The following NXPE4 variants were observed in gnomAD, a reference collection of about 807,000 sequenced individuals.
NXPE4 encodes the protein neurexophilin and PC-esterase domain family member 4.
In NXPE4, 42 loss-of-function variants were observed where a neutral mutation model predicts 33.3. The observed-to-expected ratio is 1.26, with a 90% CI of 0.98 to 1.63. NXPE4 has a LOEUF of 1.63. Ranked by LOEUF, NXPE4 falls within the 40% of genes most tolerant of loss-of-function variation. The pLI, the probability that NXPE4 is intolerant of heterozygous loss-of-function variation, is 0.00. For missense variants in NXPE4, 709 were observed against 647.6 expected (o/e 1.09, Z -1.03); for synonymous variants, 253 against 234.9 (o/e 1.08, Z -0.71).
chr11:114,619,386 C>A, the NXPE4 span, among the ~76,000 whole-genome samples: 2 of 151,376 alleles, frequency 1.3e-5, no homozygotes, highest in African/African-American at 4.9e-5. Context: ...ACCTGGGTAA[C>A]CACTGTTACC....
chr11:114,581,642 C>G (rs1411416676), intron 4 of NXPE4, 83 bp downstream of exon 4: 5 of 1,137,894 alleles, frequency 4.4e-6, no homozygotes, highest in Non-Finnish European at 6.5e-6. Flanking sequence ...AGGACTGAAA[C>G]AGTGAACAAA....
chr11:114,630,725 A>G, the NXPE4 span, among the ~76,000 whole-genome samples: 4 of 151,546 alleles, frequency 2.6e-5, no homozygotes, highest in Admixed American at 1.3e-4. Flanking sequence ...CTACCATCAG[A>G]GTGAACAGGC....
At chr11:114,591,909 G>C (rs901518003) in intron 2 of NXPE4, among the ~76,000 whole-genome samples, 3 of 152,020 alleles carry the variant, frequency 2.0e-5, no homozygotes, top group Non-Finnish European at 4.4e-5. Context: ...TTGTCAGGTG[G>C]CCCCTTCTCA....
At chr11:114,583,238 C>T in intron 2 of NXPE4, 3 of 688,788 alleles carry the variant, frequency 4.4e-6, no homozygotes, top group South Asian at 1.8e-5. Flanking sequence ...GACAGAGGGA[C>T]AGGAAGTGAG....
At chr11:114,626,698 G>A in the NXPE4 span, among the ~76,000 whole-genome samples, 3 of 152,098 alleles carry the variant, frequency 2.0e-5, no homozygotes, top group Non-Finnish European at 4.4e-5. Flanking sequence ...CTGAGAGAAG[G>A]CTTCAGACAA....
At chr11:114,632,572 T>A in the NXPE4 span, among the ~76,000 whole-genome samples, 1 of 113,644 alleles carries the variant, frequency 8.8e-6, no homozygotes, top group African/African-American at 3.5e-5. Context: ...TATTTACATA[T>A]ATCATATATT....
chr11:114,595,998 T>C (rs1949567359), upstream of NXPE4, among the ~76,000 whole-genome samples: 1 of 152,128 alleles, frequency 6.6e-6, no homozygotes. Flanking sequence ...TTAATACAAT[T>C]TGATAAATAT....
At chr11:114,617,640 T>G in the NXPE4 span, among the ~76,000 whole-genome samples, 4 of 152,192 alleles carry the variant, frequency 2.6e-5, no homozygotes, top group African/African-American at 9.6e-5. Context: ...ACCCAATGGA[T>G]AATAAGTGTT....
At chr11:114,583,455 A>T in intron 2 of NXPE4, 1 of 666,046 alleles carries the variant, frequency 1.5e-6, no homozygotes, top group South Asian at 1.4e-5. Context: ...ACCAAGTACC[A>T]CAGTGATGAC....
At chr11:114,675,106 A>C in the NXPE4 span, among the ~76,000 whole-genome samples, 1 of 151,786 alleles carries the variant, frequency 6.6e-6, no homozygotes, top group Non-Finnish European at 1.5e-5. Flanking sequence ...ATGTCTTTTC[A>C]TGAGAAAAAA....
intron 2 of NXPE4, among the ~76,000 whole-genome samples, chr11:114,588,082 A>G (rs1318467384): frequency 6.6e-6 from 1 of 152,164 alleles, no homozygotes; most frequent in African/African-American, 2.4e-5. Flanking sequence ...CAGCAGTCAT[A>G]TCAGGAGGGC....
the NXPE4 span, among the ~76,000 whole-genome samples, chr11:114,625,828 C>A: frequency 6.6e-6 from 1 of 152,080 alleles, no homozygotes; most frequent in Non-Finnish European, 1.5e-5. Flanking sequence ...ACACCACGTG[C>A]AAGCTGAAGC....
chr11:114,648,040 A>G, the NXPE4 span, among the ~76,000 whole-genome samples: 1 of 152,110 alleles, frequency 6.6e-6, no homozygotes, highest in African/African-American at 2.4e-5. Flanking sequence ...AGTTTTGTTA[A>G]TATTCCCTGT....
At chr11:114,602,669 C>A in the NXPE4 span, among the ~76,000 whole-genome samples, 2 of 141,108 alleles carry the variant, frequency 1.4e-5, no homozygotes, top group Admixed American at 7.4e-5. Flanking sequence ...ATAATAATTA[C>A]AGAATCATAT....
chr11:114,613,050 G>C, the NXPE4 span, among the ~76,000 whole-genome samples: 1 of 151,714 alleles, frequency 6.6e-6, no homozygotes, highest in Non-Finnish European at 1.5e-5. Flanking sequence ...GATAATACTT[G>C]TTGCCTTGAG....
At chr11:114,599,662 TG>T (rs370793204), upstream of NXPE4, among the ~76,000 whole-genome samples, 33 of 152,276 alleles carry the variant, frequency 2.2e-4, no homozygotes, top group African/African-American at 6.7e-4. Flanking sequence ...GAAGGCAAAG[TG>T]GGAGCAGGTG....
the NXPE4 span, among the ~76,000 whole-genome samples, chr11:114,609,980 C>T: frequency 1.3e-5 from 2 of 151,640 alleles, no homozygotes; most frequent in East Asian, 3.9e-4. Flanking sequence ...ATAGTTGTTG[C>T]CTCACAGGTA....
At chr11:114,621,181 G>A in the NXPE4 span, among the ~76,000 whole-genome samples, 9 of 151,824 alleles carry the variant, frequency 5.9e-5, no homozygotes, top group East Asian at 1.4e-3. Context: ...GTGTTGCCTC[G>A]TGGGTAACCA....
chr11:114,669,900 A>G, the NXPE4 span, among the ~76,000 whole-genome samples: 2 of 152,054 alleles, frequency 1.3e-5, no homozygotes, highest in Non-Finnish European at 2.9e-5. Context: ...GCTTGCAGTC[A>G]TCCTGAAGGT....
Sources: gnomAD v4.1 joint callset for allele counts (sites outside exome capture counted in the v4.1 genomes callset) on GRCh38, gnomAD v4.1.1 for gene constraint, MANE v1.5 for transcripts, NCBI Gene and HGNC (gene_info 2026-07-23, HGNC 2026-07-21) for gene names.